FGF18: variants seen among roughly 807,000 people sequenced by gnomAD.
FGF18 encodes the protein fibroblast growth factor 18.
In FGF18, 5 loss-of-function variants were observed where a neutral mutation model predicts 23.0. The ratio of observed to expected loss-of-function variants is 0.22; its 90% CI spans 0.11 to 0.46. The LOEUF (loss-of-function observed/expected upper bound fraction) is 0.46, where lower values mean the gene tolerates loss of function less well. Among genes scored for constraint, FGF18 ranks in the 20% least tolerant of loss-of-function variants. The pLI, the probability that FGF18 is intolerant of heterozygous loss-of-function variation, is 0.99. For missense variants in FGF18, 180 were observed against 291.6 expected, an observed-to-expected ratio of 0.62 and a Z score of 2.79; for synonymous variants, 117 against 118.9, an observed-to-expected ratio of 0.98 and a Z score of 0.10.
chr5:171,451,521 A>T lies in FGF18; in HGVS notation c.357+2268A>T, dbSNP rs1194868481. Among the ~76,000 whole-genome samples the T allele has an allele frequency of 6.6e-6, 1 of 152,078 alleles. No homozygotes were observed. Among genetic ancestry groups the T allele is most frequent in the Non-Finnish European group, 1.5e-5 (1 of 68,004 alleles). On this transcript the variant is annotated intron_variant, in intron 4 of 4. Transcript: ENST00000274625. The surrounding 1 kb of genome is among the most constrained non-coding windows in gnomAD (Gnocchi z 4.5). ...CTGTTCTGGCCTCCTACCATCCCGG[A>T]AATCGTTGCCCCAGCCGCCTGGCGT...
intron 4 of FGF18, 147 bp downstream of exon 4, chr5:171,449,400 T>TGTGTGTGTGA (rs1458322429): frequency 0.013 from 4,841 of 359,976 alleles, 73 homozygotes; most frequent in Non-Finnish European, 0.018. Context: ...TGTGTGTGTG[T>TGTGTGTGTGA]GAGAGAGAGA....
intron 3 of FGF18, among the ~76,000 whole-genome samples, chr5:171,446,625 G>A (rs1293097502): frequency 6.6e-6 from 1 of 152,100 alleles, no homozygotes; most frequent in African/African-American, 2.4e-5. Context: ...GGGTTGTCTG[G>A]GCCCCAGCTC....
intron 3 of FGF18, among the ~76,000 whole-genome samples, chr5:171,447,488 G>T (rs1772435389): frequency 6.6e-6 from 1 of 152,204 alleles, no homozygotes; most frequent in African/African-American, 2.4e-5. Flanking sequence ...GACTAGGGCT[G>T]GGGGGAGGTG....
chr5:171,445,298 A>G (rs965590750), intron 3 of FGF18, among the ~76,000 whole-genome samples: 18 of 152,092 alleles, frequency 1.2e-4, no homozygotes, highest in Admixed American at 8.5e-4. Context: ...ATGTTCTTCT[A>G]TGTGGGTTGG....
intron 2 of FGF18, among the ~76,000 whole-genome samples, 170 bp downstream of exon 2, chr5:171,420,613 G>A (rs1337557096): frequency 6.6e-6 from 1 of 152,176 alleles, no homozygotes; most frequent in African/African-American, 2.4e-5. Flanking sequence ...CTGCGCCGGC[G>A]GGGAACCGGC....
In FGF18 at chr5:171,440,676, C is replaced by G. The variant is rs1185052505; in HGVS notation, c.250+4403C>G. Among the ~76,000 whole-genome samples the G allele has an allele frequency of 6.6e-6, 1 of 152,176 alleles. No homozygotes were observed. The highest frequency in any genetic ancestry group is 2.4e-5 in the African/African-American group (1 of 41,448). ...TCTCCCTGAGCCTCGGTTTCCCCAC[C>G]TGTAATGTGGGTGGGGTAAAGGGTG... is the stretch of plus-strand genomic sequence containing the variant. On this transcript the variant is annotated intron_variant, in intron 3 of 4. Coordinates refer to ENST00000274625, the MANE Select transcript of FGF18 (RefSeq NM_003862.3). This position sits in a 1 kb window ranked among gnomAD's most constrained non-coding sequence, Gnocchi z 4.0.
chr5:171,423,576 G>A (rs1052950895), intron 2 of FGF18, among the ~76,000 whole-genome samples: 10 of 152,064 alleles, frequency 6.6e-5, no homozygotes, highest in Admixed American at 6.6e-4. Context: ...CCCTCCTGCA[G>A]CGCCACTTCC....
chr5:171,432,150 G>A (rs1371999362), intron 2 of FGF18, among the ~76,000 whole-genome samples: 1 of 152,206 alleles, frequency 6.6e-6, no homozygotes, highest in Admixed American at 6.5e-5. Flanking sequence ...CAGGCCGACA[G>A]CAAAATTGAC....
At chr5:171,455,746 C>T (rs1376062213) in intron 4 of FGF18, among the ~76,000 whole-genome samples, 1 of 152,216 alleles carries the variant, frequency 6.6e-6, no homozygotes, top group Non-Finnish European at 1.5e-5. Context: ...TCTCAAGGAA[C>T]ACTGATTGGA....
At chr5:171,449,819 G>C (rs1355745098) in intron 4 of FGF18, among the ~76,000 whole-genome samples, 2 of 151,884 alleles carry the variant, frequency 1.3e-5, no homozygotes, top group Non-Finnish European at 2.9e-5. Context: ...AAATTAGGGT[G>C]GGGGCAGGAG....
chr5:171,449,169 C>T lies in FGF18; in HGVS notation c.273C>T (p.Asp91=), dbSNP rs769680920. Residue 91 remains aspartate (D), a synonymous_variant, in exon 4 of 5, where the codon GAC becomes GAT. Transcript: ENST00000274625. ...DKYAQLLVET[D]TFGSQVRIKG... is the part of the protein sequence containing the mutation. ...AAGCCCAGCTCCTAGTGGAGACAGA[C>T]ACCTTCGGTAGTCAAGTCCGGATCA... 1 of 1,613,974 alleles carries T rather than the reference C, an allele frequency of 6.2e-7. No homozygotes were observed. Among genetic ancestry groups the T allele is most frequent in the Admixed American group, 1.7e-5 (1 of 60,018 alleles).
chr5:171,426,835 G>A (rs1772097064), intron 2 of FGF18, among the ~76,000 whole-genome samples: 1 of 152,188 alleles, frequency 6.6e-6, no homozygotes, highest in Non-Finnish European at 1.5e-5. Flanking sequence ...TGTGCTTCTT[G>A]GCAGCTGCTC....
rs1174661106 is a variant in FGF18 at position 171,457,082 on chromosome 5, G to A, written c.*277G>A. The A allele has an allele frequency of 2.7e-5, 9 of 330,638 alleles. No individual in the cohort carries two copies. The highest frequency in any genetic ancestry group is 6.5e-5 in the African/African-American group (3 of 45,880). The allele number at this position is 330,638 out of a possible 1,614,324, so 20.5% of individuals were successfully genotyped here. The stretch of plus-strand genomic sequence containing the variant: ...TCTAGGAACAGACAACTCTAAACTC[G>A]TCCCCAGAGGAGGACTTGAATGAGG... On this transcript the variant is annotated 3_prime_UTR_variant, in exon 5 of 5. Coordinates refer to ENST00000274625, the MANE Select transcript of FGF18 (RefSeq NM_003862.3).
rs1771979543 is a variant in FGF18, at chr5:171,420,123, G to C, written c.-77G>C. ...GGCGGCGGCGGCGGCGGCGGCGGCG[G>C]AGGCGCCCGGTCCCGGCCGCGCGGA... On this transcript the variant is annotated 5_prime_UTR_variant, in exon 1 of 5. Coordinates refer to ENST00000274625, the MANE Select transcript of FGF18 (RefSeq NM_003862.3). 1 of 1,247,026 alleles carries C rather than the reference G, an allele frequency of 8.0e-7. No individual in the cohort carries two copies. Among genetic ancestry groups the C allele is most frequent in the South Asian group, 2.7e-5 (1 of 37,136 alleles). The allele number at this position is 1,247,026 out of a possible 1,614,324, so 77.2% of individuals were successfully genotyped here.
chr5:171,422,587 G>A (rs1772031290), intron 2 of FGF18, among the ~76,000 whole-genome samples: 1 of 152,200 alleles, frequency 6.6e-6, no homozygotes, highest in African/African-American at 2.4e-5. Flanking sequence ...GGAGTTATGG[G>A]CAAGGTTGTC....
At chr5:171,443,290 C>T (rs1178583583) in intron 3 of FGF18, among the ~76,000 whole-genome samples, 1 of 142,486 alleles carries the variant, frequency 7.0e-6, no homozygotes, top group African/African-American at 2.8e-5. Context: ...CCACCACACC[C>T]AGCTAATTTT....
rs142105544 is a variant in FGF18, at chr5:171,435,254, G to A, written c.70-839G>A. ...TGTGATGGGAAGCCCCGGAGAGTGT[G>A]GAGAGGGGATTGGGTTTGGTAGAAG... is the stretch of plus-strand genomic sequence containing the variant. On this transcript the variant is annotated intron_variant, in intron 2 of 4. Transcript: ENST00000274625. Among the ~76,000 whole-genome samples the A allele has an allele frequency of 4.6e-5, 7 of 152,288 alleles. 1 individual carries two copies. The highest frequency in any genetic ancestry group is 1.7e-4 in the African/African-American group (7 of 41,572).
intron 3 of FGF18, among the ~76,000 whole-genome samples, chr5:171,439,091 T>G (rs1772296940): frequency 6.6e-6 from 1 of 152,188 alleles, no homozygotes; most frequent in South Asian, 2.1e-4. Flanking sequence ...ACTCAGAACC[T>G]CAGATTTGCC....
intron 2 of FGF18, among the ~76,000 whole-genome samples, chr5:171,426,367 G>T (rs939702896): frequency 5.3e-5 from 8 of 152,198 alleles, no homozygotes; most frequent in Non-Finnish European, 1.0e-4. Flanking sequence ...ACCTCTGTAT[G>T]CTCCTAGCTT....
Sources: allele counts gnomAD v4.1 joint callset (sites outside exome capture counted in the v4.1 genomes callset), GRCh38; gene constraint gnomAD v4.1.1; non-coding constraint Gnocchi (gnomAD v3.1); transcripts MANE v1.5; gene names NCBI Gene and HGNC (gene_info 2026-07-23, HGNC 2026-07-21).